Variants in CSMD1 observed in about 807,000 individuals in gnomAD.
The protein encoded by CSMD1 is CUB and sushi domain-containing protein 1.
CSMD1 carries 213 observed loss-of-function variants against 417.5 expected under a neutral mutation model. That is an observed-to-expected ratio of 0.51 (90% CI 0.46 to 0.57). The LOEUF is 0.57. Among genes scored for constraint, CSMD1 ranks in the 20% least tolerant of loss-of-function variants. The probability of loss-of-function intolerance (pLI) is 0.00; values close to 1 mark genes in which losing one functional copy is unlikely to be tolerated. For synonymous variants in CSMD1, 2,862 were observed against 1,736.8 expected (o/e 1.65, Z -16.11); for missense variants, 6,923 against 4,529.7 (o/e 1.53, Z -15.17).
intron 3 of CSMD1, among the ~76,000 whole-genome samples, chr8:4,383,007 C>A (rs1803203982): frequency 6.6e-6 from 1 of 152,162 alleles, no homozygotes; most frequent in Non-Finnish European, 1.5e-5. Flanking sequence ...TATATCAGCG[C>A]CTTCAGTAAG....
intron 3 of CSMD1, among the ~76,000 whole-genome samples, chr8:4,073,862 C>T (rs982012378): frequency 1.3e-5 from 2 of 152,054 alleles, no homozygotes; most frequent in African/African-American, 4.8e-5. Flanking sequence ...AGTTTAAATT[C>T]AGTAATATAG....
At chr8:3,489,158 C>T (rs1316232544) in intron 11 of CSMD1, among the ~76,000 whole-genome samples, 5 of 152,050 alleles carry the variant, frequency 3.3e-5, no homozygotes, top group Non-Finnish European at 4.4e-5. Flanking sequence ...TCAGGATCAG[C>T]AGAAAACAAC....
At chr8:3,452,206 G>C (rs1815774591) in intron 12 of CSMD1, among the ~76,000 whole-genome samples, 1 of 152,206 alleles carries the variant, frequency 6.6e-6, no homozygotes, top group Admixed American at 6.5e-5. Context: ...TCAGCTTAAG[G>C]AGATTTTGGG....
chr8:4,208,031 T>A (rs996941531), intron 3 of CSMD1, among the ~76,000 whole-genome samples: 8 of 152,180 alleles, frequency 5.3e-5, no homozygotes, highest in Admixed American at 5.2e-4. Flanking sequence ...AGTAGGAGAA[T>A]ATGTAAATAT....
chr8:3,893,596 A>G (rs1275077354), intron 5 of CSMD1, among the ~76,000 whole-genome samples: 1 of 151,888 alleles, frequency 6.6e-6, no homozygotes, highest in Non-Finnish European at 1.5e-5. Context: ...CTCCAGTCCC[A>G]TCTCCACCAT....
In CSMD1 at chr8:4,091,313, A is replaced by C. The variant is rs566133434; in HGVS notation, c.416-59214T>G. On this transcript the variant is annotated intron_variant, in intron 3 of 69. Coordinates refer to ENST00000635120, the MANE Select transcript of CSMD1 (RefSeq NM_033225.6). Reference sequence around the variant, plus strand: ...ATTTTATTAAAATTCTGATTCAATAAATATTTTGTTGTAGTTAGAATGATT... The same window carrying C: ...ATTTTATTAAAATTCTGATTCAATACATATTTTGTTGTAGTTAGAATGATT... 2.2e-4 allele frequency among the ~76,000 whole-genome samples: 34 copies of C among 152,290 alleles called. No homozygotes were observed. In the East Asian group the frequency reaches 5.2e-3, roughly 23 times the overall value.
chr8:4,882,617 C>G (rs188321885), intron 1 of CSMD1, among the ~76,000 whole-genome samples: 51 of 152,020 alleles, frequency 3.4e-4, no homozygotes, highest in African/African-American at 1.2e-3. Flanking sequence ...ATGAGGTATT[C>G]AACTATCCAC....
At chr8:3,369,437 G>T in intron 18 of CSMD1, 67 bp from the exon 19 acceptor site, 1 of 750,242 alleles carries the variant, frequency 1.3e-6, no homozygotes, top group South Asian at 1.6e-5. Flanking sequence ...ACAAAATACT[G>T]GTTAAATGGC....
At chr8:3,456,016 G>C (rs1327845538) in intron 12 of CSMD1, among the ~76,000 whole-genome samples, 1 of 152,164 alleles carries the variant, frequency 6.6e-6, no homozygotes, top group African/African-American at 2.4e-5. Context: ...AATGGTGGGT[G>C]CCCCTCCCCC....
chr8:4,752,023 A>C (rs1371826555), intron 1 of CSMD1, among the ~76,000 whole-genome samples: 2 of 152,206 alleles, frequency 1.3e-5, no homozygotes, highest in East Asian at 3.8e-4. Context: ...TAGTATCTAC[A>C]TTAAATATGT....
At chr8:3,815,120 G>A (rs947165719) in intron 5 of CSMD1, among the ~76,000 whole-genome samples, 1 of 152,116 alleles carries the variant, frequency 6.6e-6, no homozygotes, top group East Asian at 1.9e-4. Context: ...AATTAGACAT[G>A]GGATATTTTG....
At chr8:4,226,159 T>G (rs1801343538) in intron 3 of CSMD1, among the ~76,000 whole-genome samples, 1 of 151,982 alleles carries the variant, frequency 6.6e-6, no homozygotes, top group South Asian at 2.1e-4. Context: ...TTCTGTTACT[T>G]GGCATCTTAC....
intron 11 of CSMD1, among the ~76,000 whole-genome samples, chr8:3,484,425 CA>C (rs1490660994): frequency 7.9e-5 from 12 of 152,246 alleles, no homozygotes; most frequent in South Asian, 2.1e-4. Flanking sequence ...ATGCCATATA[CA>C]AAAACTAACT....
chr8:3,874,098 G>T (rs1035653074), intron 5 of CSMD1, among the ~76,000 whole-genome samples: 1 of 152,122 alleles, frequency 6.6e-6, no homozygotes, highest in Non-Finnish European at 1.5e-5. Flanking sequence ...CTCAGGCTGG[G>T]TTCTTTCACT....
intron 5 of CSMD1, among the ~76,000 whole-genome samples, chr8:3,882,646 A>T (rs1234170364): frequency 6.6e-6 from 1 of 152,180 alleles, no homozygotes; most frequent in East Asian, 1.9e-4. Flanking sequence ...GCCCTCAGGG[A>T]TATAAATAAG....
chr8:3,309,134 C>T lies in CSMD1; in HGVS notation c.3632-631G>A, dbSNP rs78899771. Among the ~76,000 whole-genome samples the T allele has an allele frequency of 8.1e-3, 1,229 of 152,242 alleles. 18 individuals carry two copies. Among genetic ancestry groups the T allele is most frequent in the African/African-American group, 0.028 (1,173 of 41,532 alleles). On this transcript the variant is annotated intron_variant, in intron 23 of 69. Coordinates refer to ENST00000635120, the MANE Select transcript of CSMD1 (RefSeq NM_033225.6). The stretch of plus-strand genomic sequence containing the variant: ...CAATGCCCTCTAGGACCTCTAGGAA[C>T]GGGATACTCTGCTGCCTCTTTGCCC...
At chr8:4,243,416 C>T (rs41402944) in intron 3 of CSMD1, among the ~76,000 whole-genome samples, 1,586 of 152,260 alleles carry the variant, frequency 0.01, 21 homozygotes, top group African/African-American at 0.036. Flanking sequence ...CTACTGACCA[C>T]TTTGCTCCTT....
chr8:3,405,631 A>C (rs947728372), intron 15 of CSMD1, among the ~76,000 whole-genome samples: 4 of 152,036 alleles, frequency 2.6e-5, no homozygotes, highest in Non-Finnish European at 5.9e-5. Context: ...CCCCAATCCA[A>C]TATGATTGTG....
At chr8:3,428,292 C>G (rs1194592606) in intron 12 of CSMD1, among the ~76,000 whole-genome samples, 1 of 152,156 alleles carries the variant, frequency 6.6e-6, no homozygotes, top group Admixed American at 6.5e-5. Context: ...GCTCTGCAGC[C>G]AGAACTGCTT....
Sources: allele counts gnomAD v4.1 joint callset (sites outside exome capture counted in the v4.1 genomes callset), GRCh38; gene constraint gnomAD v4.1.1; transcripts MANE v1.5; gene names NCBI Gene and HGNC (gene_info 2026-07-23, HGNC 2026-07-21).